Variants in RYR3 observed in about 807,000 individuals in gnomAD.
The protein encoded by RYR3 is brain ryanodine receptor-calcium release channel.
Under a neutral mutation model 584.3 loss-of-function variants are expected in RYR3, and 207 were observed. The ratio of observed to expected loss-of-function variants is 0.35; its 90% confidence interval spans 0.32 to 0.40. The LOEUF (loss-of-function observed/expected upper bound fraction) is 0.40, where lower values mean the gene tolerates loss of function less well. RYR3 is among the 10% of genes least tolerant of loss of function. RYR3 has a pLI of 1.00. For missense variants in RYR3, 5,616 were observed against 6,089.2 expected (o/e 0.92, Z 2.59); for synonymous variants, 2,416 against 2,248.5 (o/e 1.07, Z -2.11).
chr15:33,455,823 T>A (rs2047509746), intron 1 of RYR3, among the ~76,000 whole-genome samples: 1 of 152,218 alleles, frequency 6.6e-6, no homozygotes, highest in Non-Finnish European at 1.5e-5. Flanking sequence ...TCCTATTTAT[T>A]GCACATAATC....
chr15:33,312,843 A>C (rs1967540819), intron 1 of RYR3, among the ~76,000 whole-genome samples: 1 of 152,172 alleles, frequency 6.6e-6, no homozygotes, highest in South Asian at 2.1e-4. Context: ...TTTCCTCTCC[A>C]TCTGGCATTG....
Position 33,662,211 on chromosome 15 carries a change from A to G in RYR3, c.4681A>G (p.Thr1561Ala), listed in dbSNP as rs1357337620. Residue 1561 changes from threonine to alanine, a missense_variant, in exon 35 of 104, where the codon ACG (threonine) becomes GCG (alanine). Physicochemically the swap from Thr to Ala is moderately conservative, Grantham distance 58. Around this residue, in one of 9 missense-constraint regions of RYR3, gnomAD observed 753 missense variants for 741.0 expected, o/e 1.02. Coordinates refer to ENST00000634891, the MANE Select transcript of RYR3 (RefSeq NM_001036.6). The part of the protein sequence containing the change: ...QEDLMRFHYH[T>A]LRLYSAVCAL... ...GGACCTGATGCGGTTCCATTACCAC[A>G]CGCTGAGGCTCTACAGCGCGGTGTG... is the stretch of plus-strand genomic sequence containing the variant. The G allele has an allele frequency of 1.2e-6, 2 of 1,608,376 alleles. No individual in the cohort carries two copies. Among genetic ancestry groups the G allele is most frequent in the Admixed American group, 3.4e-5 (2 of 59,322 alleles).
intron 1 of RYR3, among the ~76,000 whole-genome samples, chr15:33,391,997 G>A (rs2042024881): frequency 6.6e-6 from 1 of 152,034 alleles, no homozygotes; most frequent in Admixed American, 6.5e-5. Flanking sequence ...AAGGTTTCCT[G>A]CAAATGTGGC....
intron 4 of RYR3, among the ~76,000 whole-genome samples, chr15:33,532,614 T>C (rs1180719780): frequency 7.9e-6 from 1 of 127,152 alleles, no homozygotes; most frequent in African/African-American, 2.7e-5. Flanking sequence ...AACATAATAT[T>C]ATATAAAATA....
chr15:33,506,845 G>A (rs551285945), intron 3 of RYR3, among the ~76,000 whole-genome samples: 1 of 152,204 alleles, frequency 6.6e-6, no homozygotes, highest in East Asian at 1.9e-4. Context: ...TATTTAATTT[G>A]ATTTTAGAAG....
chr15:33,357,141 C>G (rs1458108839), intron 1 of RYR3, among the ~76,000 whole-genome samples: 2 of 152,136 alleles, frequency 1.3e-5, no homozygotes, highest in African/African-American at 4.8e-5. Context: ...TTGCAGCAAA[C>G]AGAAGTCTAA....
intron 65 of RYR3, among the ~76,000 whole-genome samples, chr15:33,780,755 C>T (rs536511088): frequency 6.6e-6 from 1 of 152,222 alleles, no homozygotes; most frequent in South Asian, 2.1e-4. Context: ...CATGGAGAGG[C>T]GTGCTTCTAA....
At chr15:33,741,935 A>G (rs536180922) in intron 51 of RYR3, among the ~76,000 whole-genome samples, 44 of 152,260 alleles carry the variant, frequency 2.9e-4, no homozygotes, top group Middle Eastern at 3.4e-3. Flanking sequence ...GTATTTTACC[A>G]TGAGCCACTG....
chr15:33,447,555 G>C (rs1009493359), intron 1 of RYR3, among the ~76,000 whole-genome samples: 1 of 152,146 alleles, frequency 6.6e-6, no homozygotes, highest in African/African-American at 2.4e-5. Context: ...TGCTCCCTCT[G>C]GGAAGGACAT....
chr15:33,840,773 T>C lies in RYR3; in HGVS notation c.12979-52T>C, dbSNP rs372226292. The C allele has an allele frequency of 2.3e-5, 36 of 1,571,684 alleles. 1 individual carries two copies. The African/African-American group carries it at 2.6e-4, about 11-fold the overall frequency. ...AAATGGCCAAGAAAATGTCTCATCA[T>C]CATGACCTCGCTTCTTTGAGGAAAG... On this transcript the variant is annotated intron_variant, in intron 89 of 103. Coordinates refer to ENST00000634891, the MANE Select transcript of RYR3 (RefSeq NM_001036.6).
intron 37 of RYR3, among the ~76,000 whole-genome samples, chr15:33,669,974 G>A (rs181387587): frequency 2.0e-5 from 3 of 151,478 alleles, no homozygotes; most frequent in Non-Finnish European, 2.9e-5. Context: ...CTGGTTTTAA[G>A]CAGCTCTCAG....
At chr15:33,497,671 A>G (rs1471333892) in intron 2 of RYR3, among the ~76,000 whole-genome samples, 1 of 152,224 alleles carries the variant, frequency 6.6e-6, no homozygotes, top group African/African-American at 2.4e-5. Context: ...GGATCAAATC[A>G]GGCTAATTAG....
chr15:33,382,172 G>A (rs2041234702), intron 1 of RYR3, among the ~76,000 whole-genome samples: 1 of 141,826 alleles, frequency 7.1e-6, no homozygotes, highest in African/African-American at 2.7e-5. Context: ...ACTGGATATG[G>A]GGAAGTAAAG....
In RYR3 at chr15:33,636,376, GGCCAGC is replaced by G. The variant is rs747696797; in HGVS notation, c.3384_3389del (p.Gln1129_Arg1130del). On this transcript the variant is annotated inframe_deletion and splice_region_variant, in exon 27 of 104. Coordinates refer to ENST00000634891, the MANE Select transcript of RYR3 (RefSeq NM_001036.6). ...TAAGCCCTAGAGTCTTGTTTTCTAG[GGCCAGC>G]GTTGGCATCAAGGAAGTGGGTATTT... 6.2e-7 allele frequency: 1 copy of G among 1,613,704 alleles called. No individual in the cohort carries two copies. Among genetic ancestry groups the G allele is most frequent in the Non-Finnish European group, 8.5e-7 (1 of 1,179,764 alleles).
intron 90 of RYR3, 189 bp from the exon 91 acceptor site, chr15:33,841,675 G>T (rs2078372689): frequency 3.5e-6 from 2 of 568,148 alleles, no homozygotes; most frequent in Non-Finnish European, 3.1e-6. Flanking sequence ...CAAGATCATG[G>T]CTCATCCTCA....
At chr15:33,409,160 A>G (rs1257634240) in intron 1 of RYR3, among the ~76,000 whole-genome samples, 1 of 152,204 alleles carries the variant, frequency 6.6e-6, no homozygotes, top group Admixed American at 6.5e-5. Context: ...CCAATGGCCT[A>G]GGTAATTACA....
At chr15:33,464,467 T>G (rs991149279) in intron 1 of RYR3, among the ~76,000 whole-genome samples, 3 of 75,386 alleles carry the variant, frequency 4.0e-5, no homozygotes, top group East Asian at 2.6e-4. Context: ...GGTGGAGATA[T>G]ATATATATAT....
At chr15:33,635,081 A>G (rs2061436791) in intron 25 of RYR3, among the ~76,000 whole-genome samples, 1 of 152,166 alleles carries the variant, frequency 6.6e-6, no homozygotes, top group Non-Finnish European at 1.5e-5. Context: ...TTACTTTTAG[A>G]TCAGGTAATC....
chr15:33,445,392 C>T (rs994253034), intron 1 of RYR3, among the ~76,000 whole-genome samples: 1 of 152,066 alleles, frequency 6.6e-6, no homozygotes, highest in African/African-American at 2.4e-5. Context: ...ATGGAGGAGA[C>T]AGGAGACAAA....
Sources: gnomAD v4.1 joint callset for allele counts (sites outside exome capture counted in the v4.1 genomes callset) on GRCh38, gnomAD v4.1.1 for gene constraint, gnomAD v4.1.1 regional missense constraint, MANE v1.5 for transcripts, NCBI Gene and HGNC (gene_info 2026-07-23, HGNC 2026-07-21) for gene names.